The following RAD51B variants were observed in gnomAD, a reference collection of about 807,000 sequenced individuals.
RAD51B encodes the protein DNA repair protein RAD51 homolog 2.
RAD51B carries 38 observed loss-of-function variants against 42.2 expected under a neutral mutation model. The observed-to-expected ratio is 0.90, with a 90% CI of 0.70 to 1.18. The LOEUF (loss-of-function observed/expected upper bound fraction) is 1.18, where lower values mean the gene tolerates loss of function less well. Among genes scored for constraint, RAD51B ranks in the 50% most tolerant of loss-of-function variants. RAD51B has a pLI of 0.00. For synonymous variants in RAD51B, 154 were observed against 145.2 expected (o/e 1.06, Z -0.43); for missense variants, 373 against 400.7 (o/e 0.93, Z 0.59).
At chr14:67,961,103 C>T (rs567271829) in intron 7 of RAD51B, among the ~76,000 whole-genome samples, 1 of 152,216 alleles carries the variant, frequency 6.6e-6, no homozygotes, top group East Asian at 1.9e-4. Context: ...ACTTCCTGGG[C>T]TCAAGTGATT....
chr14:67,855,300 G>A (rs563504497), intron 4 of RAD51B, among the ~76,000 whole-genome samples: 42 of 151,878 alleles, frequency 2.8e-4, no homozygotes, highest in Non-Finnish European at 3.8e-4. Context: ...GTGCGATCTC[G>A]GCTCAATGTA....
intron 9 of RAD51B, among the ~76,000 whole-genome samples, chr14:68,416,771 C>T (rs532122264): frequency 6.6e-6 from 1 of 152,266 alleles, no homozygotes; most frequent in South Asian, 2.1e-4. Context: ...GTCAGGCTTC[C>T]CCTGGAATCT....
chr14:68,541,993 CT>C (rs1887992816), intron 10 of RAD51B, among the ~76,000 whole-genome samples: 1 of 152,118 alleles, frequency 6.6e-6, no homozygotes. Context: ...ACATATATTT[CT>C]TTTTATATTA....
chr14:68,594,619 G>A (rs1195602493), exon 11 of RAD51B: 1 of 1,284,618 alleles, frequency 7.8e-7, no homozygotes, highest in Admixed American at 2.3e-5. Flanking sequence ...TGTAGAGGTG[G>A]GGTCTCATTA....
chr14:68,671,336 A>C (rs1242920414), intron 11 of RAD51B, among the ~76,000 whole-genome samples: 1 of 152,198 alleles, frequency 6.6e-6, no homozygotes, highest in Non-Finnish European at 1.5e-5. Context: ...AGTGAAAAAG[A>C]AGCTTTCAAA....
chr14:68,648,257 T>C (rs1892625301), intron 10 of RAD51B, among the ~76,000 whole-genome samples: 1 of 146,938 alleles, frequency 6.8e-6, no homozygotes, highest in African/African-American at 2.5e-5. Flanking sequence ...ACTCTGTACG[T>C]GCTCAAAGTA....
intron 7 of RAD51B, among the ~76,000 whole-genome samples, chr14:68,008,911 G>A (rs895764128): frequency 3.4e-4 from 51 of 151,894 alleles, no homozygotes; most frequent in African/African-American, 1.1e-3. Context: ...CATTTGCCAA[G>A]GCCGTGTAAA....
At chr14:68,485,348 A>G (rs1482013510) in intron 10 of RAD51B, among the ~76,000 whole-genome samples, 4 of 152,188 alleles carry the variant, frequency 2.6e-5, no homozygotes, top group African/African-American at 9.7e-5. Flanking sequence ...TCACAGAGGT[A>G]TAGGACTAGT....
chr14:67,834,635 C>T (rs2041169467), intron 3 of RAD51B, among the ~76,000 whole-genome samples: 1 of 152,126 alleles, frequency 6.6e-6, no homozygotes, highest in African/African-American at 2.4e-5. Context: ...TGTTTCCTCT[C>T]TTGCTTCTTG....
chr14:68,476,131 A>G (rs1882582992), intron 10 of RAD51B, among the ~76,000 whole-genome samples: 1 of 152,168 alleles, frequency 6.6e-6, no homozygotes, highest in Admixed American at 6.5e-5. Context: ...ATCAAAAGCC[A>G]ACTGTGATAC....
rs1032693098 is a variant in RAD51B at position 67,823,607 on chromosome 14, C to T, written c.64C>T (p.His22Tyr). 20 of 1,612,742 alleles carry T rather than the reference C, an allele frequency of 1.2e-5. No individual in the cohort carries two copies. In the Middle Eastern group the frequency reaches 4.9e-4, roughly 40 times the overall value. Reference protein sequence around the residue: ...SQELCDRLSRHQILTCQDFLC... With the variant: ...SQELCDRLSRYQILTCQDFLC... ...AGAGCTGTGTGACCGTCTGAGTAGA[C>T]ATCAGATCCTTACCTGTCAGGTAAA... is the stretch of plus-strand genomic sequence containing the variant. Residue 22 changes from histidine (H) to tyrosine (Y), a missense_variant, in exon 2 of 11, where the codon CAT becomes TAT. Transcript: ENST00000471583.
intron 7 of RAD51B, among the ~76,000 whole-genome samples, chr14:67,965,529 A>G (rs2074756262): frequency 6.6e-6 from 1 of 152,150 alleles, no homozygotes; most frequent in Admixed American, 6.5e-5. Context: ...ATGGGTCCCC[A>G]TTAACACATA....
intron 8 of RAD51B, among the ~76,000 whole-genome samples, chr14:68,362,827 T>G (rs1363195430): frequency 6.6e-6 from 1 of 151,326 alleles, no homozygotes; most frequent in East Asian, 1.9e-4. Flanking sequence ...CCAGCCTGGG[T>G]GACAGAGTGA....
chr14:68,347,757 A>T (rs980042279), intron 8 of RAD51B, among the ~76,000 whole-genome samples: 1 of 152,230 alleles, frequency 6.6e-6, no homozygotes, highest in African/African-American at 2.4e-5. Context: ...TGTTCCTCTT[A>T]GAGTGCAGAG....
chr14:68,387,254 T>C (rs984598460), intron 8 of RAD51B: 1 of 152,234 alleles, frequency 6.6e-6, no homozygotes, highest in African/African-American at 2.4e-5. Context: ...AGATGGATAG[T>C]ATCCAGGTAA....
chr14:68,365,415 G>A (rs1391441126), intron 8 of RAD51B, among the ~76,000 whole-genome samples: 1 of 152,198 alleles, frequency 6.6e-6, no homozygotes, highest in African/African-American at 2.4e-5. Flanking sequence ...TCCCACCTCA[G>A]AGCTTACATG....
At chr14:68,356,281 A>T (rs573005111) in intron 8 of RAD51B, among the ~76,000 whole-genome samples, 1 of 152,118 alleles carries the variant, frequency 6.6e-6, no homozygotes, top group South Asian at 2.1e-4. Flanking sequence ...ATAAATACAA[A>T]AAAATTAGCC....
At chr14:68,358,415 A>G (rs995787342) in intron 8 of RAD51B, among the ~76,000 whole-genome samples, 5 of 152,238 alleles carry the variant, frequency 3.3e-5, no homozygotes, top group Admixed American at 6.5e-5. Flanking sequence ...GGTCCGAGGC[A>G]TGTTTCAGTT....
chr14:68,554,651 T>C (rs1038212491), intron 10 of RAD51B, among the ~76,000 whole-genome samples: 1 of 152,198 alleles, frequency 6.6e-6, no homozygotes, highest in Non-Finnish European at 1.5e-5. Flanking sequence ...ATAGCATTTA[T>C]CACCTTCTAA....
Sources: allele counts gnomAD v4.1 joint callset (sites outside exome capture counted in the v4.1 genomes callset), GRCh38; gene constraint gnomAD v4.1.1; transcripts MANE v1.5; gene names NCBI Gene and HGNC (gene_info 2026-07-23, HGNC 2026-07-21).